AMOTL1: variants seen among roughly 807,000 people sequenced by gnomAD.
The protein encoded by AMOTL1 is angiomotin-like protein 1.
A neutral mutation model predicts 102.9 loss-of-function variants in AMOTL1; 45 were observed. The observed-to-expected ratio is 0.44, with a 90% CI of 0.34 to 0.56. The LOEUF is 0.56. Ranked by LOEUF, AMOTL1 falls within the 20% of genes least tolerant of loss-of-function variation. The pLI is 0.01. For synonymous variants in AMOTL1, 481 were observed against 484.7 expected (o/e 0.99, Z 0.10); for missense variants, 1,114 against 1,225.6 (o/e 0.91, Z 1.36).
chr11:94,768,589 A>C, intron 1 of AMOTL1, 29 bp downstream of exon 1: 1 of 1,577,554 alleles, frequency 6.3e-7, no homozygotes, highest in Non-Finnish European at 8.6e-7. Context: ...AGGTGCCGGG[A>C]GGGCGTCTCC....
intron 1 of AMOTL1, among the ~76,000 whole-genome samples, chr11:94,715,824 G>A (rs1337458711): frequency 1.3e-5 from 2 of 152,042 alleles, no homozygotes; most frequent in Non-Finnish European, 2.9e-5. Flanking sequence ...TAATTATAAT[G>A]TGTCTTAGTG....
Position 94,799,333 on chromosome 11 carries a change from A to G in AMOTL1, c.200-57A>G. On this transcript the variant is annotated intron_variant, in intron 2 of 12. Transcript: ENST00000433060. The surrounding 1 kb of genome is among the most constrained non-coding windows in gnomAD (Gnocchi z 4.5). The stretch of plus-strand genomic sequence containing the variant: ...TGTTAATTATGTACCACATAGTCAC[A>G]GACATATATCTCCTGTGGAGCTGCC... 7.4e-7 allele frequency: 1 copy of G among 1,358,870 alleles called. No individual in the cohort carries two copies. The highest frequency in any genetic ancestry group is 1.5e-5 in the South Asian group (1 of 68,698). The allele number at this position is 1,358,870 out of a possible 1,614,324, so 84.2% of individuals were successfully genotyped here.
chr11:94,849,642 C>T (rs1952489220), intron 6 of AMOTL1, among the ~76,000 whole-genome samples: 2 of 152,190 alleles, frequency 1.3e-5, no homozygotes, highest in African/African-American at 4.8e-5. Context: ...GAGCTTGAAG[C>T]TCCCCTCTGC....
chr11:94,725,422 A>G (rs1311308092), intron 1 of AMOTL1, among the ~76,000 whole-genome samples: 1 of 152,188 alleles, frequency 6.6e-6, no homozygotes, highest in African/African-American at 2.4e-5. Flanking sequence ...ACTTGTGCCA[A>G]ACAACACTAT....
chr11:94,841,238 C>T (rs1952295048), intron 6 of AMOTL1, among the ~76,000 whole-genome samples: 1 of 152,112 alleles, frequency 6.6e-6, no homozygotes, highest in Non-Finnish European at 1.5e-5. Context: ...GTCAGGAGTT[C>T]AAGACCAGCC....
intron 5 of AMOTL1, 135 bp downstream of exon 5, chr11:94,830,329 A>T: frequency 1.2e-6 from 1 of 828,838 alleles, no homozygotes; most frequent in South Asian, 2.4e-5. Flanking sequence ...TATTTCAATG[A>T]TCTGGGGAAG....
chr11:94,800,585 A>G (rs1010027848), intron 3 of AMOTL1, among the ~76,000 whole-genome samples: 1 of 152,186 alleles, frequency 6.6e-6, no homozygotes, highest in Non-Finnish European at 1.5e-5. Context: ...AGCTCTGCCT[A>G]GTGGCCTGGC....
intron 1 of AMOTL1, among the ~76,000 whole-genome samples, chr11:94,718,187 C>T (rs1950123664): frequency 6.6e-6 from 1 of 151,800 alleles, no homozygotes; most frequent in South Asian, 2.1e-4. Context: ...AAAAATTGGA[C>T]CCTCTTTGTA....
At chr11:94,803,877 C>G (rs1286979888) in intron 3 of AMOTL1, among the ~76,000 whole-genome samples, 1 of 152,190 alleles carries the variant, frequency 6.6e-6, no homozygotes, top group Non-Finnish European at 1.5e-5. Flanking sequence ...CTAATACACC[C>G]ACTAACATTT....
intron 2 of AMOTL1, among the ~76,000 whole-genome samples, chr11:94,797,334 C>T (rs936045753): frequency 6.6e-6 from 1 of 152,174 alleles, no homozygotes; most frequent in South Asian, 2.1e-4. Context: ...CCTTAATGCA[C>T]TACTTAATAG....
At chr11:94,756,632 A>C (rs1294770653) in intron 3 of AMOTL1, among the ~76,000 whole-genome samples, 1 of 152,260 alleles carries the variant, frequency 6.6e-6, no homozygotes, top group Admixed American at 6.5e-5. Flanking sequence ...GTTACAGAGC[A>C]AATACAGAAT....
chr11:94,713,967 A>G (rs1423452776), intron 1 of AMOTL1, among the ~76,000 whole-genome samples: 1 of 151,928 alleles, frequency 6.6e-6, no homozygotes, highest in Non-Finnish European at 1.5e-5. Flanking sequence ...ATCCTTTCCA[A>G]TCTCAAAGGA....
At chr11:94,774,714 T>G (rs1950999525) in intron 1 of AMOTL1, among the ~76,000 whole-genome samples, 1 of 152,180 alleles carries the variant, frequency 6.6e-6, no homozygotes, top group Non-Finnish European at 1.5e-5. Flanking sequence ...TCTAACACGT[T>G]TCCAAGCAAT....
Position 94,724,209 on chromosome 11 carries a change from T to C in AMOTL1, c.-50-4712T>C, listed in dbSNP as rs151124491. ...CTCTACTTGTAACCAAGATGGACTA[T>C]TCCTTCTGATTCCTGACTCACTGAA... On this transcript the variant is annotated intron_variant, in intron 1 of 4. Transcript: ENST00000299004. Among the ~76,000 whole-genome samples the C allele has an allele frequency of 3.6e-3, 551 of 152,278 alleles. 6 individuals carry two copies. The highest frequency in any genetic ancestry group is 0.012 in the African/African-American group (484 of 41,576).
intron 9 of AMOTL1, among the ~76,000 whole-genome samples, chr11:94,862,010 C>G (rs77963186): frequency 1.8e-4 from 28 of 152,238 alleles, no homozygotes; most frequent in African/African-American, 6.7e-4. Context: ...GACTCTTACC[C>G]CAGAGAACAG....
At chr11:94,815,799 G>A (rs1233157439) in intron 3 of AMOTL1, among the ~76,000 whole-genome samples, 2 of 152,056 alleles carry the variant, frequency 1.3e-5, no homozygotes, top group Non-Finnish European at 2.9e-5. Flanking sequence ...ATATGAGAAA[G>A]AATCTTGTAT....
intron 2 of AMOTL1, chr11:94,740,245 T>A (rs1175091537): frequency 6.6e-6 from 1 of 152,132 alleles, no homozygotes; most frequent in Non-Finnish European, 1.5e-5. Context: ...AAATCGTCCA[T>A]CTCCTCAGGA....
In AMOTL1 at chr11:94,785,423, G is replaced by A. The variant is rs7934920; in HGVS notation, c.50-9588G>A. Among the ~76,000 whole-genome samples the A allele has an allele frequency of 4.6e-3, 697 of 152,252 alleles. 13 individuals carry two copies. Among genetic ancestry groups the A allele is most frequent in the African/African-American group, 0.016 (665 of 41,534 alleles). ...ACTATCAACAAAATGGGAGTGAGTG[G>A]TGATAAATAATATGATTTTTATAAC... On this transcript the variant is annotated intron_variant, in intron 1 of 12. Coordinates refer to ENST00000433060, the MANE Select transcript of AMOTL1 (RefSeq NM_130847.3).
intron 1 of AMOTL1, among the ~76,000 whole-genome samples, chr11:94,785,413 G>C (rs1951170542): frequency 6.6e-6 from 1 of 152,102 alleles, no homozygotes; most frequent in Non-Finnish European, 1.5e-5. Flanking sequence ...CAACAAAATG[G>C]GAGTGAGTGG....
Sources: gnomAD v4.1 joint callset for allele counts (sites outside exome capture counted in the v4.1 genomes callset) on GRCh38, gnomAD v4.1.1 for gene constraint, Gnocchi (gnomAD v3.1) non-coding constraint, MANE v1.5 for transcripts, NCBI Gene and HGNC (gene_info 2026-07-23, HGNC 2026-07-21) for gene names.